CATSPERZ: variants seen among roughly 807,000 people sequenced by gnomAD.
CATSPERZ encodes catsper channel auxiliary subunit zeta.
A neutral mutation model predicts 21.7 loss-of-function variants in CATSPERZ; 21 were observed. The ratio of observed to expected loss-of-function variants is 0.97; its 90% CI spans 0.69 to 1.39. The LOEUF is 1.39. Among genes scored for constraint, CATSPERZ ranks in the 40% most tolerant of loss-of-function variants. CATSPERZ has a pLI of 0.00. For synonymous variants in CATSPERZ, 127 were observed against 108.7 expected (o/e 1.17, Z -1.05); for missense variants, 234 against 259.5 (o/e 0.90, Z 0.68).
At chr11:64,300,551 G>C in intron 1 of CATSPERZ, 106 bp from the exon 2 acceptor site, 13 of 1,440,636 alleles carry the variant, frequency 9.0e-6, no homozygotes, top group East Asian at 2.9e-5. Flanking sequence ...CCAACCCCAC[G>C]TTCTACGGGA....
chr11:64,300,836 C>G lies in CATSPERZ; in HGVS notation c.201C>G (p.Ser67Arg), dbSNP rs747967345. The G allele has an allele frequency of 1.1e-5, 17 of 1,560,886 alleles. No homozygotes were observed. Among genetic ancestry groups the G allele is most frequent in the Admixed American group, 1.9e-5 (1 of 51,848 alleles). Residue 67 changes from serine to arginine, a missense_variant, in exon 2 of 5, where the codon AGC (serine) becomes AGG (arginine). Coordinates refer to ENST00000328404, the MANE Select transcript of CATSPERZ (RefSeq NM_001039496.2). The stretch of plus-strand genomic sequence containing the variant: ...TTAGCAAGACCCGCGGGTGGCACAG[C>G]CCGGGGCGGGGCTCGTTGGACGAGG... The part of the protein sequence containing the change: ...RNISKTRGWH[S>R]PGRGSLDEGY...
In CATSPERZ at chr11:64,300,399, T is replaced by C. The variant is rs1352345924; in HGVS notation, c.-12T>C. ...CGAGGCCTGTGGCGTCTGGGTCCGT[T>C]GGGGCAGAACCATGGAGGAAAAGCC... is the stretch of plus-strand genomic sequence containing the variant. On this transcript the variant is annotated 5_prime_UTR_variant, in exon 1 of 5. Transcript: ENST00000328404. 4.9e-6 allele frequency: 7 copies of C among 1,442,226 alleles called. No homozygotes were observed. In the South Asian group the frequency reaches 7.9e-5, roughly 16 times the overall value. The allele number at this position is 1,442,226 out of a possible 1,614,324, so 89.3% of individuals were successfully genotyped here.
intron 2 of CATSPERZ, among the ~76,000 whole-genome samples, chr11:64,301,974 C>A (rs187816217): frequency 9.9e-4 from 150 of 152,250 alleles, no homozygotes; most frequent in African/African-American, 3.4e-3. Context: ...CCCGGCGAGA[C>A]CTGTGTTTTT....
chr11:64,300,523 G>A, intron 1 of CATSPERZ, 92 bp downstream of exon 1: 1 of 1,547,466 alleles, frequency 6.5e-7, no homozygotes, highest in Non-Finnish European at 8.8e-7. Flanking sequence ...CTCAGCCTTG[G>A]CTGCCCGCAG....
intron 4 of CATSPERZ, 142 bp downstream of exon 4, chr11:64,303,981 A>G (rs939413907): frequency 1.2e-6 from 1 of 826,516 alleles, no homozygotes; most frequent in African/African-American, 1.7e-5. Context: ...CAAGGGCCCC[A>G]TAAAAGTTAA....
At chr11:64,300,466 C>T (rs779883369) in intron 1 of CATSPERZ, 35 bp downstream of exon 1, 9 of 1,558,170 alleles carry the variant, frequency 5.8e-6, no homozygotes, top group Non-Finnish European at 7.0e-6. Flanking sequence ...ACCCTGTCCG[C>T]TCCAACCCAC....
chr11:64,302,602 TCA>T (rs2034944790), intron 2 of CATSPERZ, among the ~76,000 whole-genome samples: 1 of 151,998 alleles, frequency 6.6e-6, no homozygotes, highest in African/African-American at 2.4e-5. Context: ...AGTCAGATTC[TCA>T]CTCTGTTGCC....
At chr11:64,300,568 A>ACCCGGCCCGGCTCAGTTC (rs2034905129) in intron 1 of CATSPERZ, 89 bp from the exon 2 acceptor site, 3 of 1,520,644 alleles carry the variant, frequency 2.0e-6, no homozygotes, top group Non-Finnish European at 2.7e-6. Flanking sequence ...GGGATCCCCA[A>ACCCGGCCCGGCTCAGTTC]CCCGGCCCGG....
chr11:64,303,368 C>T, intron 2 of CATSPERZ, 114 bp from the exon 3 acceptor site: 1 of 816,966 alleles, frequency 1.2e-6, no homozygotes, highest in Non-Finnish European at 2.0e-6. Flanking sequence ...CAAGGCTGCA[C>T]CAGGAGCTGG....
At chr11:64,302,570 C>T (rs1023896640) in intron 2 of CATSPERZ, among the ~76,000 whole-genome samples, 3 of 148,934 alleles carry the variant, frequency 2.0e-5, no homozygotes, top group Admixed American at 2.0e-4. Flanking sequence ...GTGAGCCAAC[C>T]GCGCTCGGCT....
In CATSPERZ at chr11:64,300,485, C is replaced by T. The variant is rs1181348615; in HGVS notation, c.21+54C>T. On this transcript the variant is annotated intron_variant, in intron 1 of 4. Coordinates refer to ENST00000328404, the MANE Select transcript of CATSPERZ (RefSeq NM_001039496.2). ...TGTCCGCTCCAACCCACCCTTGGTC[C>T]GACTCGGGCCCCTGGCGCTATTTCT... The T allele has an allele frequency of 2.0e-5, 31 of 1,569,474 alleles. No individual in the cohort carries two copies. The East Asian group carries it at 4.4e-4, about 22-fold the overall frequency.
At chr11:64,300,493 G>A in intron 1 of CATSPERZ, 62 bp downstream of exon 1, 1 of 1,569,088 alleles carries the variant, frequency 6.4e-7, no homozygotes, top group Non-Finnish European at 8.7e-7. Flanking sequence ...TCCGACTCGG[G>A]CCCCTGGCGC....
Position 64,300,878 on chromosome 11 carries a change from C to G in CATSPERZ, c.243C>G (p.His81Gln). ...GSLDEGYKAS[H>Q]KPEELDEHAL... ...TGGACGAGGGGTACAAGGCCAGCCA[C>G]AAGCCGGAGGAACTGGACGAGCACG... Residue 81 changes from histidine (H) to glutamine (Q), a missense_variant, in exon 2 of 5, where the codon CAC becomes CAG. Physicochemically the swap from His to Gln is conservative, Grantham distance 24 (BLOSUM62 0). Coordinates refer to ENST00000328404, the MANE Select transcript of CATSPERZ (RefSeq NM_001039496.2). 1.9e-6 allele frequency: 3 copies of G among 1,567,292 alleles called. No individual in the cohort carries two copies. Among genetic ancestry groups the G allele is most frequent in the Non-Finnish European group, 2.6e-6 (3 of 1,157,276 alleles).
chr11:64,304,660 G>C lies in CATSPERZ; in HGVS notation c.*14G>C, dbSNP rs2034988427. On this transcript the variant is annotated 3_prime_UTR_variant, in exon 5 of 5. Transcript: ENST00000328404. The stretch of plus-strand genomic sequence containing the variant: ...TACGTGAATTAAAAACGCCACCTTG[G>C]GCTCGAGCAGCGACCCGAACCAGCC... 6.4e-7 allele frequency: 1 copy of C among 1,555,382 alleles called. No homozygotes were observed. The highest frequency in any genetic ancestry group is 8.7e-7 in the Non-Finnish European group (1 of 1,149,774).
At chr11:64,303,400 C>T in intron 2 of CATSPERZ, 82 bp from the exon 3 acceptor site, 1 of 1,170,204 alleles carries the variant, frequency 8.5e-7, no homozygotes, top group Non-Finnish European at 1.2e-6. Context: ...CATTCCCTCT[C>T]ACAAGGTGCC....
Position 64,304,687 on chromosome 11 carries a change from C to T in CATSPERZ, c.*41C>T. The T allele has an allele frequency of 6.6e-7, 1 of 1,521,360 alleles. No individual in the cohort carries two copies. The highest frequency in any genetic ancestry group is 8.9e-7 in the Non-Finnish European group (1 of 1,121,702). 94.2% of individuals were successfully genotyped at this position (1,521,360 alleles called of 1,614,324 possible). On this transcript the variant is annotated 3_prime_UTR_variant, in exon 5 of 5. Coordinates refer to ENST00000328404, the MANE Select transcript of CATSPERZ (RefSeq NM_001039496.2). The stretch of plus-strand genomic sequence containing the variant: ...CTCGAGCAGCGACCCGAACCAGCCC[C>T]GTGCCAGCCCGGTCCCCAGACCCAA...
intron 3 of CATSPERZ, 68 bp from the exon 4 acceptor site, chr11:64,303,705 G>C: frequency 2.6e-6 from 4 of 1,532,472 alleles, no homozygotes; most frequent in Non-Finnish European, 3.5e-6. Context: ...CAGGGAGGAG[G>C]TGGGGGCATT....
At chr11:64,303,941 G>A (rs544551400) in intron 4 of CATSPERZ, 102 bp downstream of exon 4, 2 of 1,162,752 alleles carry the variant, frequency 1.7e-6, no homozygotes, top group Non-Finnish European at 2.5e-6. Flanking sequence ...CTTATGTCTT[G>A]TCAGATGCCC....
Position 64,303,477 on chromosome 11 carries a change from C to G in CATSPERZ, c.353-5C>G. The G allele has an allele frequency of 6.2e-7, 1 of 1,610,944 alleles. No homozygotes were observed. ...GATGACTAACCCTTTTTTCTCTTCTCCCAGAAAAGTCTTCCTCAATGTCAT... is the reference window on the plus strand; with the variant it reads ...GATGACTAACCCTTTTTTCTCTTCTGCCAGAAAAGTCTTCCTCAATGTCAT... On this transcript the variant is annotated splice_polypyrimidine_tract_variant and splice_region_variant and intron_variant, in intron 2 of 4. Transcript: ENST00000328404.
Sources: gnomAD v4.1 joint callset for allele counts (sites outside exome capture counted in the v4.1 genomes callset) on GRCh38, gnomAD v4.1.1 for gene constraint, MANE v1.5 for transcripts, NCBI Gene and HGNC (gene_info 2026-07-23, HGNC 2026-07-21) for gene names.